KIF13A: variants seen among roughly 807,000 people sequenced by gnomAD.
KIF13A encodes the protein kinesin-like protein KIF13A.
KIF13A carries 79 observed loss-of-function variants against 212.2 expected under a neutral mutation model. The observed-to-expected ratio is 0.37, with a 90% CI of 0.31 to 0.45. The LOEUF is 0.45. KIF13A is among the 20% of genes least tolerant of loss of function. The pLI, the probability that KIF13A is intolerant of heterozygous loss-of-function variation, is 1.00. For missense variants in KIF13A, 1,901 were observed against 2,209.0 expected (o/e 0.86, Z 2.79); for synonymous variants, 789 against 808.6 (o/e 0.98, Z 0.41).
At position 17,829,974 on chromosome 6, in the gene KIF13A, G is replaced by A. The variant is rs1055936628; in HGVS notation, c.1401+1127C>T. Among the ~76,000 whole-genome samples, 77 of 152,112 alleles carry A rather than the reference G, an allele frequency of 5.1e-4. No individual in the cohort carries two copies. Among genetic ancestry groups the A allele is most frequent in the African/African-American group, 1.8e-3 (76 of 41,436 alleles). ...AGATTCAGGTGTGTGGACAGCATATGTAAGCTGCCTTCAAGGCCCCAGGTC... is the reference window on the plus strand; with the variant it reads ...AGATTCAGGTGTGTGGACAGCATATATAAGCTGCCTTCAAGGCCCCAGGTC... On this transcript the variant is annotated intron_variant, in intron 13 of 38. Transcript: ENST00000259711. This position sits in a 1 kb window ranked among gnomAD's most constrained non-coding sequence, Gnocchi z 5.4.
In KIF13A at chr6:17,967,812, G is replaced by C. The variant is rs375632424; in HGVS notation, c.146+19242C>G. Among the ~76,000 whole-genome samples the C allele has an allele frequency of 5.3e-5, 8 of 152,292 alleles. No individual in the cohort carries two copies. Among genetic ancestry groups the C allele is most frequent in the African/African-American group, 1.9e-4 (8 of 41,550 alleles). The stretch of plus-strand genomic sequence containing the variant: ...GACCCGCTGATGTTTGACAATCACT[G>C]TGAGATGCATCACAAGTAACTTGTT... On this transcript the variant is annotated intron_variant, in intron 2 of 38. Transcript: ENST00000259711. The surrounding 1 kb of genome is among the most constrained non-coding windows in gnomAD (Gnocchi z 4.1).
chr6:17,773,755 C>T lies in KIF13A; in HGVS notation c.4219-172G>A, dbSNP rs145754469. On this transcript the variant is annotated intron_variant, in intron 35 of 38. Coordinates refer to ENST00000259711, the MANE Select transcript of KIF13A (RefSeq NM_022113.6). The surrounding 1 kb of genome is among the most constrained non-coding windows in gnomAD (Gnocchi z 4.2). ...GGCTGAATATCGTAAAAAATACTGTCATATCCAAGGTATACCCGGAGTGAA... is the reference window on the plus strand; with the variant it reads ...GGCTGAATATCGTAAAAAATACTGTTATATCCAAGGTATACCCGGAGTGAA... Among the ~76,000 whole-genome samples, 1,268 of 152,100 alleles carry T rather than the reference C, an allele frequency of 8.3e-3. 22 individuals are homozygous for T. The highest frequency in any genetic ancestry group is 0.028 in the African/African-American group (1,179 of 41,486).
In KIF13A at chr6:17,828,127, A is replaced by AC; in HGVS notation, c.1532+112dup. 1 of 987,648 alleles carries AC rather than the reference A, an allele frequency of 1.0e-6. No homozygotes were observed. The highest frequency in any genetic ancestry group is 1.5e-6 in the Non-Finnish European group (1 of 687,694). The allele number at this position is 987,648 out of a possible 1,614,324, so 61.2% of individuals were successfully genotyped here. On this transcript the variant is annotated intron_variant, in intron 14 of 38. Coordinates refer to ENST00000259711, the MANE Select transcript of KIF13A (RefSeq NM_022113.6). This position sits in a 1 kb window ranked among gnomAD's most constrained non-coding sequence, Gnocchi z 4.3. ...ATCAGAAAGCAAGGGCCCCCTGAGGACCCCCATGTATCCTTAACTTTAATA... is the reference window on the plus strand; with the variant it reads ...ATCAGAAAGCAAGGGCCCCCTGAGGACCCCCCATGTATCCTTAACTTTAATA...
At chr6:17,808,063 T>C (rs1304697450) in intron 18 of KIF13A, among the ~76,000 whole-genome samples, 2 of 152,204 alleles carry the variant, frequency 1.3e-5, no homozygotes, top group African/African-American at 4.8e-5. Context: ...ATGAAAAGTC[T>C]TCCTTTCTTG....
intron 17 of KIF13A, chr6:17,815,688 C>T (rs1763865107): frequency 5.3e-6 from 2 of 378,990 alleles, no homozygotes; most frequent in Admixed American, 5.2e-5. Context: ...ATGCTACAAA[C>T]TAATGATTAA....
intron 14 of KIF13A, among the ~76,000 whole-genome samples, chr6:17,827,209 C>T (rs1398167266): frequency 6.6e-6 from 1 of 152,192 alleles, no homozygotes; most frequent in Non-Finnish European, 1.5e-5. Context: ...ATCCTCCCAC[C>T]TCAGCCTCCC....
At chr6:17,858,809 G>A (rs575200273) in intron 4 of KIF13A, among the ~76,000 whole-genome samples, 5 of 151,672 alleles carry the variant, frequency 3.3e-5, no homozygotes, top group African/African-American at 7.2e-5. Flanking sequence ...GGAAGGGAGT[G>A]GGGTGAGGGT....
chr6:17,855,877 A>G lies in KIF13A; in HGVS notation c.313+153T>C, dbSNP rs742280. On this transcript the variant is annotated intron_variant, in intron 5 of 38. Coordinates refer to ENST00000259711, the MANE Select transcript of KIF13A (RefSeq NM_022113.6). This position sits in a 1 kb window ranked among gnomAD's most constrained non-coding sequence, Gnocchi z 4.1. ...TACAGGTGTGCCACCACGCTGGGCT[A>G]ATGTTTTTAGTTTTTATAAAGACGG... Among the ~76,000 whole-genome samples, 585 of 152,056 alleles carry G rather than the reference A, an allele frequency of 3.8e-3. 3 individuals carry two copies. The highest frequency in any genetic ancestry group is 6.8e-3 in the Middle Eastern group (2 of 294).
rs1768112262 is a variant in KIF13A at position 17,856,112 on chromosome 6, C to T, written c.231G>A (p.Val77=). Residue 77 remains valine, a synonymous_variant, in exon 5 of 39, where the codon GTG becomes GTA. Coordinates refer to ENST00000259711, the MANE Select transcript of KIF13A (RefSeq NM_022113.6). This position sits in a 1 kb window ranked among gnomAD's most constrained non-coding sequence, Gnocchi z 4.5. ...SNTTKYAGQE[V]VFKCLGEGIL... ...TTCCTTCCCCAAGGCACTTGAAAAC[C>T]ACTTCTTGACCTAAAAAACAAGACA... 5 of 1,609,178 alleles carry T rather than the reference C, an allele frequency of 3.1e-6. No individual in the cohort carries two copies. Among genetic ancestry groups the T allele is most frequent in the Admixed American group, 1.7e-5 (1 of 59,818 alleles).
chr6:17,771,484 T>G lies in KIF13A; in HGVS notation c.4477-266A>C. ...GCTCATGCCTGCAATCCCAGTGCCT[T>G]GGGAGGCTGGGGCAAAAGAATCACT... On this transcript the variant is annotated intron_variant, in intron 37 of 38. Coordinates refer to ENST00000259711, the MANE Select transcript of KIF13A (RefSeq NM_022113.6). The surrounding 1 kb of genome is among the most constrained non-coding windows in gnomAD (Gnocchi z 5.4). The G allele has an allele frequency of 2.3e-6, 1 of 436,750 alleles. No homozygotes were observed. Among genetic ancestry groups the G allele is most frequent in the Non-Finnish European group, 4.1e-6 (1 of 245,822 alleles). The allele number at this position is 436,750 out of a possible 1,614,324, so 27.1% of individuals were successfully genotyped here. A position where few individuals can be genotyped will look rare whatever the true frequency, so the allele number is the denominator to read the frequency against.
rs1487188222 is a variant in KIF13A, at chr6:17,937,739, C to CTTT, written c.147-39562_147-39560dup. On this transcript the variant is annotated intron_variant, in intron 2 of 38. Transcript: ENST00000259711. ...CCACCATGCCCAGCTAATTTCTTTC[C>CTTT]TTTTTTGTTTTTTTTTTTTTGTTTT... 4.0e-3 allele frequency among the ~76,000 whole-genome samples: 513 copies of CTTT among 128,478 alleles called. 3 individuals carry two copies. Among genetic ancestry groups the CTTT allele is most frequent in the African/African-American group, 0.013 (468 of 36,122 alleles). 84.3% of individuals were successfully genotyped at this position (128,478 alleles called of 152,430 possible). A position where few individuals can be genotyped will look rare whatever the true frequency, so the allele number is the denominator to read the frequency against.
At chr6:17,807,654 G>A (rs962330867) in intron 18 of KIF13A, among the ~76,000 whole-genome samples, 18 of 152,102 alleles carry the variant, frequency 1.2e-4, no homozygotes, top group African/African-American at 3.6e-4. Flanking sequence ...GGTATTAGTA[G>A]TTCTGCTTTT....
rs968106264 is a variant in KIF13A, at chr6:17,982,731, T to A, written c.146+4323A>T. On this transcript the variant is annotated intron_variant, in intron 2 of 38. Transcript: ENST00000259711. The surrounding 1 kb of genome is among the most constrained non-coding windows in gnomAD (Gnocchi z 5.1). ...AACTTCTGTAGAAAGCAAGTTCCAC[T>A]ATATTCTTTTCACAGCACAGCATCA... is the stretch of plus-strand genomic sequence containing the variant. Among the ~76,000 whole-genome samples the A allele has an allele frequency of 6.6e-6, 1 of 152,212 alleles. No individual in the cohort carries two copies. Among genetic ancestry groups the A allele is most frequent in the Non-Finnish European group, 1.5e-5 (1 of 68,046 alleles).
In KIF13A at chr6:17,898,092, C is replaced by T; in HGVS notation, c.159+76G>A. ...AGTTCTCAATGAGACAGATGTTCTA[C>T]ATGGGTTACAGTGATAAATCCTGGA... On this transcript the variant is annotated intron_variant, in intron 3 of 38. Coordinates refer to ENST00000259711, the MANE Select transcript of KIF13A (RefSeq NM_022113.6). The surrounding 1 kb of genome is among the most constrained non-coding windows in gnomAD (Gnocchi z 5.2). 7.3e-7 allele frequency: 1 copy of T among 1,364,468 alleles called. No individual in the cohort carries two copies. The highest frequency in any genetic ancestry group is 2.3e-5 in the East Asian group (1 of 43,132). 84.5% of individuals were successfully genotyped at this position (1,364,468 alleles called of 1,614,324 possible). A position where few individuals can be genotyped will look rare whatever the true frequency, so the allele number is the denominator to read the frequency against.
At position 17,839,380 on chromosome 6, in the gene KIF13A, T is replaced by C. The variant is rs992734574; in HGVS notation, c.831-1797A>G. Among the ~76,000 whole-genome samples the C allele has an allele frequency of 6.6e-6, 1 of 152,188 alleles. No individual in the cohort carries two copies. Among genetic ancestry groups the C allele is most frequent in the African/African-American group, 2.4e-5 (1 of 41,440 alleles). ...GCAGCTTTATCCACAAAAGTCAAAA[T>C]GTGGAAACGACCACATGCCCATCAA... On this transcript the variant is annotated intron_variant, in intron 9 of 38. Transcript: ENST00000259711. The surrounding 1 kb of genome is among the most constrained non-coding windows in gnomAD (Gnocchi z 4.3).
intron 3 of KIF13A, among the ~76,000 whole-genome samples, chr6:17,874,425 T>G (rs1213735697): frequency 6.6e-6 from 1 of 152,046 alleles, no homozygotes; most frequent in East Asian, 1.9e-4. Context: ...AAAGTATCTC[T>G]TCATATTTTT....
chr6:17,931,311 T>A (rs979645629), intron 2 of KIF13A, among the ~76,000 whole-genome samples: 1 of 152,218 alleles, frequency 6.6e-6, no homozygotes, highest in Non-Finnish European at 1.5e-5. Context: ...CAAATGGATA[T>A]CAAACACAAT....
intron 2 of KIF13A, among the ~76,000 whole-genome samples, chr6:17,986,105 A>C (rs781200990): frequency 1.3e-5 from 2 of 152,240 alleles, no homozygotes; most frequent in Non-Finnish European, 2.9e-5. Context: ...TGAAGAAGGA[A>C]ATTCACTAAA....
rs375511285 is a variant in KIF13A at position 17,929,059 on chromosome 6, C to CAA, written c.147-30881_147-30880dup. 6.7e-3 allele frequency among the ~76,000 whole-genome samples: 241 copies of CAA among 36,204 alleles called. 2 individuals carry two copies. The highest frequency in any genetic ancestry group is 9.6e-3 in the African/African-American group (126 of 13,136). 23.8% of individuals were successfully genotyped at this position (36,204 alleles called of 152,430 possible). On this transcript the variant is annotated intron_variant, in intron 2 of 38. Transcript: ENST00000259711. Reference sequence around the variant, plus strand: ...AATAACTCAAAAGAAAAGAATTTCTCAAAAAAAAAAAAAAAAAAAAAAAAC... The same window carrying CAA: ...AATAACTCAAAAGAAAAGAATTTCTCAAAAAAAAAAAAAAAAAAAAAAAAAAC...
Sources: gnomAD v4.1 joint callset for allele counts (sites outside exome capture counted in the v4.1 genomes callset) on GRCh38, gnomAD v4.1.1 for gene constraint, Gnocchi (gnomAD v3.1) non-coding constraint, MANE v1.5 for transcripts, NCBI Gene and HGNC (gene_info 2026-07-23, HGNC 2026-07-21) for gene names.